The following NWD2 variants were observed in gnomAD, a reference collection of about 807,000 sequenced individuals.
NWD2 encodes the protein NACHT and WD repeat domain-containing protein 2.
NWD2 carries 37 observed loss-of-function variants against 132.7 expected under a neutral mutation model. The ratio of observed to expected loss-of-function variants is 0.28; its 90% CI spans 0.21 to 0.37. NWD2 has a LOEUF of 0.37. Among genes scored for constraint, NWD2 ranks in the 10% least tolerant of loss-of-function variants. The pLI is 1.00. For missense variants in NWD2, 1,592 were observed against 2,122.4 expected (o/e 0.75, Z 4.91); for synonymous variants, 705 against 803.0 (o/e 0.88, Z 2.06).
rs1265674474 is a variant in NWD2, at chr4:37,433,897, G to A, written c.583G>A (p.Glu195Lys). The A allele has an allele frequency of 1.3e-6, 2 of 1,545,574 alleles. No homozygotes were observed. The highest frequency in any genetic ancestry group is 1.7e-6 in the Non-Finnish European group (2 of 1,143,602). Residue 195 changes from glutamate (E) to lysine (K), a missense_variant, in exon 5 of 7, where the codon GAA becomes AAA. By Grantham distance (56) the Glu-to-Lys change is moderately conservative. Transcript: ENST00000309447. ...RNAMQPSTNAENEKTWQEISD... is the reference protein window; with the variant it reads ...RNAMQPSTNAKNEKTWQEISD... Reference sequence around the variant, plus strand: ...ATAGATGCAGCCTTCTACCAATGCTGAAAACGAGAAGACATGGCAAGAGAT... The same window carrying A: ...ATAGATGCAGCCTTCTACCAATGCTAAAAACGAGAAGACATGGCAAGAGAT...
At chr4:37,377,008 A>G (rs1022406808) in intron 3 of NWD2, among the ~76,000 whole-genome samples, 1 of 152,216 alleles carries the variant, frequency 6.6e-6, no homozygotes, top group African/African-American at 2.4e-5. Flanking sequence ...TCATGATTCC[A>G]TCTAGCCTCT....
At chr4:37,277,862 GT>G (rs201776741) in intron 1 of NWD2, among the ~76,000 whole-genome samples, 9 of 151,386 alleles carry the variant, frequency 5.9e-5, no homozygotes, top group Non-Finnish European at 1.2e-4. Flanking sequence ...GAAGATTATT[GT>G]TTTTTTTCTG....
intron 3 of NWD2, among the ~76,000 whole-genome samples, chr4:37,406,490 A>G (rs985919598): frequency 6.6e-6 from 1 of 152,228 alleles, no homozygotes; most frequent in Non-Finnish European, 1.5e-5. Flanking sequence ...AGACAGGCAC[A>G]TGTATGTTTA....
intron 2 of NWD2, among the ~76,000 whole-genome samples, chr4:37,333,290 A>G (rs1393624204): frequency 1.3e-5 from 2 of 152,156 alleles, no homozygotes; most frequent in African/African-American, 2.4e-5. Context: ...GATGGGACTC[A>G]CTGCTGTGAT....
chr4:37,357,333 T>C (rs1411442627), intron 3 of NWD2, among the ~76,000 whole-genome samples: 1 of 152,146 alleles, frequency 6.6e-6, no homozygotes, highest in Non-Finnish European at 1.5e-5. Context: ...GCAAAAGTGT[T>C]CTTAATATTT....
chr4:37,286,182 G>A (rs1168067839), intron 1 of NWD2, among the ~76,000 whole-genome samples: 1 of 152,172 alleles, frequency 6.6e-6, no homozygotes, highest in Admixed American at 6.5e-5. Context: ...ATATGATTGG[G>A]TAAGTTAATC....
At chr4:37,376,223 A>G (rs888548640) in intron 3 of NWD2, among the ~76,000 whole-genome samples, 3 of 152,216 alleles carry the variant, frequency 2.0e-5, no homozygotes, top group African/African-American at 7.2e-5. Flanking sequence ...AGGATTTTGC[A>G]ATATGTGTTT....
chr4:37,447,543 T>C lies in NWD2; in HGVS notation c.*326T>C. The C allele has an allele frequency of 3.8e-6, 1 of 260,428 alleles. No individual in the cohort carries two copies. The highest frequency in any genetic ancestry group is 2.2e-5 in the African/African-American group (1 of 45,932). The allele number at this position is 260,428 out of a possible 1,614,324, so 16.1% of individuals were successfully genotyped here. On this transcript the variant is annotated 3_prime_UTR_variant, in exon 7 of 7. Transcript: ENST00000309447. ...GTTAAGATGAGAGAGGCTAGAGTTA[T>C]ATACAGATCATTTGGATGGGAATTA... is the stretch of plus-strand genomic sequence containing the variant.
chr4:37,357,703 G>A (rs1177176955), intron 3 of NWD2, among the ~76,000 whole-genome samples: 13 of 152,206 alleles, frequency 8.5e-5, no homozygotes, highest in African/African-American at 2.9e-4. Context: ...GGGGGAGAGG[G>A]CAGGCAAAAC....
chr4:37,396,722 C>T (rs1308943593), intron 3 of NWD2, among the ~76,000 whole-genome samples: 1 of 152,018 alleles, frequency 6.6e-6, no homozygotes, highest in African/African-American at 2.4e-5. Flanking sequence ...AAGTGGAACT[C>T]AATCTGAGGA....
chr4:37,270,817 A>G (rs1277590769), intron 1 of NWD2, among the ~76,000 whole-genome samples: 1 of 151,790 alleles, frequency 6.6e-6, no homozygotes, highest in Non-Finnish European at 1.5e-5. Context: ...TAGCACAAAG[A>G]AATCTTTTCC....
intron 3 of NWD2, among the ~76,000 whole-genome samples, chr4:37,365,704 G>A (rs899328714): frequency 2.0e-5 from 3 of 152,154 alleles, no homozygotes; most frequent in Non-Finnish European, 4.4e-5. Context: ...GTATTTAATT[G>A]TCTGGTGAAA....
At chr4:37,418,659 T>G (rs1711704918) in intron 3 of NWD2, among the ~76,000 whole-genome samples, 1 of 151,804 alleles carries the variant, frequency 6.6e-6, no homozygotes, top group African/African-American at 2.4e-5. Flanking sequence ...TATATATTTA[T>G]AACCCTTTGG....
rs1577706299 is a variant in NWD2, at chr4:37,448,600, T to C, written c.*1383T>C. The C allele has an allele frequency of 6.6e-6, 1 of 152,206 alleles. No homozygotes were observed. The highest frequency in any genetic ancestry group is 2.1e-4 in the South Asian group (1 of 4,830). The allele number at this position is 152,206 out of a possible 1,614,324, so 9.4% of individuals were successfully genotyped here. A position where few individuals can be genotyped will look rare whatever the true frequency, so the allele number is the denominator to read the frequency against. ...AACTTTTCAAAAGGTATCCACACTT[T>C]TGGTTGAGTTTAGTTTTCTTAGAAA... On this transcript the variant is annotated 3_prime_UTR_variant, in exon 7 of 7. Transcript: ENST00000309447.
intron 1 of NWD2, among the ~76,000 whole-genome samples, chr4:37,321,847 C>A (rs1156830835): frequency 6.6e-6 from 1 of 151,882 alleles, no homozygotes; most frequent in Non-Finnish European, 1.5e-5. Flanking sequence ...CACAGAAAAC[C>A]CATTGGATAT....
chr4:37,404,701 T>C (rs1485300192), intron 3 of NWD2, among the ~76,000 whole-genome samples: 1 of 152,066 alleles, frequency 6.6e-6, no homozygotes, highest in Non-Finnish European at 1.5e-5. Flanking sequence ...TGGCTCGTGG[T>C]TCCACAGGCT....
At position 37,444,663 on chromosome 4, in the gene NWD2, T is replaced by C; in HGVS notation, c.2675T>C (p.Leu892Pro). The stretch of plus-strand genomic sequence containing the variant: ...TCGCAAGAGAAGGAGCTGAAGTTCC[T>C]GGCCAACACCCTCCGCAGCATCAAA... ...NYSQEKELKF[L>P]ANTLRSIKNK... is the part of the protein sequence containing the mutation. The change falls in exon 7 of 7, where the codon CTG becomes CCG. Residue 892 changes from leucine to proline, a missense_variant. Transcript: ENST00000309447. The surrounding 1 kb of genome is among the most constrained non-coding windows in gnomAD (Gnocchi z 4.8). 6.4e-7 allele frequency: 1 copy of C among 1,552,242 alleles called. No individual in the cohort carries two copies. The highest frequency in any genetic ancestry group is 2.4e-5 in the East Asian group (1 of 40,916).
At chr4:37,392,393 T>A (rs1163219611) in intron 3 of NWD2, among the ~76,000 whole-genome samples, 1 of 152,144 alleles carries the variant, frequency 6.6e-6, no homozygotes, top group Non-Finnish European at 1.5e-5. Flanking sequence ...CAGCCTCAGC[T>A]ATACTGACAC....
intron 4 of NWD2, 115 bp downstream of exon 4, chr4:37,430,890 C>A: frequency 1.2e-6 from 1 of 852,946 alleles, no homozygotes; most frequent in Non-Finnish European, 1.8e-6. Flanking sequence ...AGTTACTCTG[C>A]CCTAGGCCCC....
Sources: gnomAD v4.1 joint callset for allele counts (sites outside exome capture counted in the v4.1 genomes callset) on GRCh38, gnomAD v4.1.1 for gene constraint, Gnocchi (gnomAD v3.1) non-coding constraint, MANE v1.5 for transcripts, NCBI Gene and HGNC (gene_info 2026-07-23, HGNC 2026-07-21) for gene names.